The following ELAPOR2 variants were observed in gnomAD, a reference collection of about 807,000 sequenced individuals.
ELAPOR2 encodes endosome/lysosome-associated apoptosis and autophagy regulator family member 2.
ELAPOR2 carries 89 observed loss-of-function variants against 120.7 expected under a neutral mutation model. The ratio of observed to expected loss-of-function variants is 0.74; its 90% CI spans 0.62 to 0.88. The LOEUF (loss-of-function observed/expected upper bound fraction) is 0.88. ELAPOR2 is among the 40% of genes least tolerant of loss of function. ELAPOR2 has a pLI of 0.00. For synonymous variants in ELAPOR2, 444 were observed against 444.9 expected, an observed-to-expected ratio of 1.00 and a Z score of 0.03; for missense variants, 1,134 against 1,251.6, an observed-to-expected ratio of 0.91 and a Z score of 1.42.
chr7:86,939,969 G>C (rs1790735001), intron 6 of ELAPOR2, 41 bp downstream of exon 6: 2 of 1,232,992 alleles, frequency 1.6e-6, no homozygotes, highest in Admixed American at 2.0e-5. Context: ...CTAACTGTAA[G>C]ATGTGACTGG....
intron 1 of ELAPOR2, among the ~76,000 whole-genome samples, chr7:87,008,713 T>C (rs1336940011): frequency 1.3e-5 from 2 of 152,168 alleles, no homozygotes; most frequent in Non-Finnish European, 2.9e-5. Context: ...ATGTACTGAA[T>C]TATTTAGTGA....
At chr7:87,054,431 A>T (rs1795203302) in intron 1 of ELAPOR2, among the ~76,000 whole-genome samples, 1 of 152,234 alleles carries the variant, frequency 6.6e-6, no homozygotes, top group East Asian at 1.9e-4. Context: ...AAGCATAAGA[A>T]CTGGAAATGG....
chr7:86,908,028 T>A (rs1286984083), intron 17 of ELAPOR2, among the ~76,000 whole-genome samples: 1 of 151,834 alleles, frequency 6.6e-6, no homozygotes, highest in Non-Finnish European at 1.5e-5. Flanking sequence ...AAAATTATAA[T>A]CAAAAATATT....
Position 86,919,221 on chromosome 7 carries a change from T to G in ELAPOR2, c.1489A>C (p.Lys497Gln), listed in dbSNP as rs1279313123. 1.9e-6 allele frequency: 3 copies of G among 1,606,134 alleles called. No homozygotes were observed. The highest frequency in any genetic ancestry group is 2.6e-6 in the Non-Finnish European group (3 of 1,173,776). Residue 497 changes from lysine to glutamine, a missense_variant and splice_region_variant, in exon 11 of 22, where the codon AAA (lysine) becomes CAA (glutamine). Coordinates refer to ENST00000450689, the MANE Select transcript of ELAPOR2 (RefSeq NM_001142749.3). The stretch of plus-strand genomic sequence containing the variant: ...AAGAATTAGAATTGTTTTCCTTACT[T>G]AAATCCTGGGATATGCAAGTTTAAG... ...LILNLHIPGF[K>Q]PPTSMTGATG... is the part of the protein sequence containing the mutation.
chr7:86,904,051 A>C (rs1030676752), intron 18 of ELAPOR2, among the ~76,000 whole-genome samples: 2 of 152,142 alleles, frequency 1.3e-5, no homozygotes, highest in African/African-American at 4.8e-5. Flanking sequence ...AAAAAACCAC[A>C]CAGTTAGAAA....
At chr7:87,026,136 T>G (rs1184387907) in intron 1 of ELAPOR2, among the ~76,000 whole-genome samples, 1 of 151,956 alleles carries the variant, frequency 6.6e-6, no homozygotes, top group Non-Finnish European at 1.5e-5. Context: ...TAGCTGAACA[T>G]GAGAAAGTAA....
At chr7:86,920,584 G>A (rs975971906) in intron 10 of ELAPOR2, among the ~76,000 whole-genome samples, 1 of 152,118 alleles carries the variant, frequency 6.6e-6, no homozygotes, top group African/African-American at 2.4e-5. Context: ...GCAGTACAAG[G>A]ATGGTAAAGA....
chr7:86,983,342 G>A (rs1792585055), intron 1 of ELAPOR2, among the ~76,000 whole-genome samples: 2 of 152,088 alleles, frequency 1.3e-5, no homozygotes, highest in African/African-American at 4.8e-5. Context: ...GAGAACACCA[G>A]AAAGATACTC....
At chr7:86,969,809 A>G (rs1433948470) in intron 1 of ELAPOR2, among the ~76,000 whole-genome samples, 1 of 152,210 alleles carries the variant, frequency 6.6e-6, no homozygotes, top group Non-Finnish European at 1.5e-5. Context: ...GGAAGAGTAT[A>G]CAAAATGCGA....
chr7:86,893,036 T>A lies in ELAPOR2; in HGVS notation c.2750A>T (p.Lys917Met). ...CIKGISLPEK[K>M]LATCETVDFW... The stretch of plus-strand genomic sequence containing the variant: ...GTCAACCGTTTCACAGGTTGCCAAC[T>A]TTTTCTCAGGCAAAGAAATTCCTTT... Residue 917 changes from lysine (K) to methionine (M), a missense_variant, in exon 20 of 22, where the codon AAG becomes ATG. By Grantham distance (95) the Lys-to-Met change is moderately conservative (BLOSUM62 -1). This residue lies in a region of ELAPOR2 where 831 missense variants were observed against 867.6 expected (regional missense o/e 0.96). Transcript: ENST00000450689. 6.3e-7 allele frequency: 1 copy of A among 1,585,418 alleles called. No homozygotes were observed. The highest frequency in any genetic ancestry group is 1.4e-5 in the African/African-American group (1 of 72,206).
chr7:86,884,745 A>G (rs73196605), intron 21 of ELAPOR2, among the ~76,000 whole-genome samples: 3,238 of 152,286 alleles, frequency 0.021, 61 homozygotes, highest in Non-Finnish European at 0.032. Flanking sequence ...AACCTGAGAG[A>G]TTACGAAAAT....
chr7:86,898,424 C>T (rs1024989336), intron 18 of ELAPOR2, among the ~76,000 whole-genome samples: 4 of 151,988 alleles, frequency 2.6e-5, no homozygotes, highest in Non-Finnish European at 5.9e-5. Context: ...AAACTGACTG[C>T]GGTGGTGGTT....
At chr7:86,903,691 G>A (rs1039049648) in intron 18 of ELAPOR2, among the ~76,000 whole-genome samples, 1 of 152,140 alleles carries the variant, frequency 6.6e-6, no homozygotes, top group African/African-American at 2.4e-5. Flanking sequence ...CGTTCCTTTT[G>A]TGAGATTCAA....
At chr7:86,923,293 TC>T (rs1166061709) in intron 10 of ELAPOR2, among the ~76,000 whole-genome samples, 1 of 151,958 alleles carries the variant, frequency 6.6e-6, no homozygotes, top group Non-Finnish European at 1.5e-5. Context: ...AATTAGAATG[TC>T]CCCAACATTA....
At chr7:86,906,331 A>G (rs1789014440) in intron 18 of ELAPOR2, among the ~76,000 whole-genome samples, 1 of 152,040 alleles carries the variant, frequency 6.6e-6, no homozygotes, top group Admixed American at 6.6e-5. Flanking sequence ...ATGCCCTTTT[A>G]TTATTATTAG....
intron 1 of ELAPOR2, among the ~76,000 whole-genome samples, chr7:87,045,909 C>T (rs1794939316): frequency 6.6e-6 from 1 of 151,800 alleles, no homozygotes; most frequent in African/African-American, 2.4e-5. Context: ...CAAGAATGCC[C>T]ACTGTCACCA....
At chr7:86,907,807 TATA>T in intron 17 of ELAPOR2, 36 bp from the exon 18 acceptor site, 1 of 1,238,676 alleles carries the variant, frequency 8.1e-7, no homozygotes, top group Admixed American at 2.8e-5. Context: ...AAAAAACAGA[TATA>T]ATACAGATTA....
chr7:87,047,084 G>A (rs932186553), intron 1 of ELAPOR2, among the ~76,000 whole-genome samples: 5 of 152,140 alleles, frequency 3.3e-5, no homozygotes, highest in Non-Finnish European at 7.4e-5. Context: ...ATATACACTG[G>A]GGAAAGGACA....
chr7:87,042,783 A>T (rs1047942013), intron 1 of ELAPOR2, among the ~76,000 whole-genome samples: 1 of 152,202 alleles, frequency 6.6e-6, no homozygotes, highest in African/African-American at 2.4e-5. Context: ...AAGGAAATAG[A>T]GACACAAAAA....
Sources: gnomAD v4.1 joint callset for allele counts (sites outside exome capture counted in the v4.1 genomes callset) on GRCh38, gnomAD v4.1.1 for gene constraint, gnomAD v4.1.1 regional missense constraint, MANE v1.5 for transcripts, NCBI Gene and HGNC (gene_info 2026-07-23, HGNC 2026-07-21) for gene names.